DR1: variants seen among roughly 807,000 people sequenced by gnomAD.
DR1 encodes protein Dr1.
Under a neutral mutation model 19.9 loss-of-function variants are expected in DR1, and 7 were observed. That is an observed-to-expected ratio of 0.35 (90% CI 0.20 to 0.66). The LOEUF is 0.66. Ranked by LOEUF, DR1 falls within the 30% of genes least tolerant of loss-of-function variation. The pLI, the probability that DR1 is intolerant of heterozygous loss-of-function variation, is 0.66. For synonymous variants in DR1, 76 were observed against 72.5 expected, an observed-to-expected ratio of 1.05 and a Z score of -0.24; for missense variants, 98 against 203.7, an observed-to-expected ratio of 0.48 and a Z score of 3.16.
Position 93,363,848 on chromosome 1 carries a change from C to T in DR1, c.*3209C>T, listed in dbSNP as rs1252399217. 1 of 152,166 alleles carries T rather than the reference C, an allele frequency of 6.6e-6. No individual in the cohort carries two copies. Among genetic ancestry groups the T allele is most frequent in the African/African-American group, 2.4e-5 (1 of 41,438 alleles). The allele number at this position is 152,166 out of a possible 1,614,324, so 9.4% of individuals were successfully genotyped here. The stretch of plus-strand genomic sequence containing the variant: ...TTCATTCTCATTGCTGTATAGTCTT[C>T]CGTTTGTTTATCCATTTTTCATTAC... On this transcript the variant is annotated 3_prime_UTR_variant, in exon 3 of 3. Transcript: ENST00000370272.
At chr1:93,357,803 C>A (rs1224206803) in intron 2 of DR1, among the ~76,000 whole-genome samples, 2 of 152,106 alleles carry the variant, frequency 1.3e-5, no homozygotes, top group Non-Finnish European at 2.9e-5. Flanking sequence ...ACACCAGCAC[C>A]ACCCTACTCC....
intron 2 of DR1, among the ~76,000 whole-genome samples, chr1:93,356,812 C>G (rs1666992856): frequency 6.6e-6 from 1 of 151,614 alleles, no homozygotes; most frequent in Non-Finnish European, 1.5e-5. Context: ...ACCTCCGCCT[C>G]CCGGGTTCAA....
At position 93,346,507 on chromosome 1, in the gene DR1, C is replaced by G. The variant is rs887263338; in HGVS notation, c.-139C>G. 7.7e-6 allele frequency: 5 copies of G among 651,366 alleles called. No homozygotes were observed. Among genetic ancestry groups the G allele is most frequent in the Non-Finnish European group, 1.1e-5 (4 of 375,332 alleles). 40.3% of individuals were successfully genotyped at this position (651,366 alleles called of 1,614,324 possible). A position where few individuals can be genotyped will look rare whatever the true frequency, so the allele number is the denominator to read the frequency against. On this transcript the variant is annotated 5_prime_UTR_variant, in exon 1 of 3. Transcript: ENST00000370272. ...CCAGCCCTCAAGCCAGCTGCTCCTC[C>G]GTTCATTTTCTGCACCCTCTTCGCA...
chr1:93,346,969 T>G, intron 1 of DR1, 104 bp downstream of exon 1: 1 of 1,062,558 alleles, frequency 9.4e-7, no homozygotes, highest in East Asian at 2.6e-5. Context: ...CCCTGGTAAG[T>G]AACTTAATGA....
In DR1 at chr1:93,361,999, TGTCA is replaced by T. The variant is rs1378391344; in HGVS notation, c.*1363_*1366del. The T allele has an allele frequency of 1.3e-5, 2 of 152,638 alleles. No homozygotes were observed. Among genetic ancestry groups the T allele is most frequent in the East Asian group, 3.9e-4 (2 of 5,192 alleles). 9.5% of individuals were successfully genotyped at this position (152,638 alleles called of 1,614,324 possible). The stretch of plus-strand genomic sequence containing the variant: ...ATAGTATTAAGTAATTAAATTCCTA[TGTCA>T]GTTGCCAAATCTTTTAAACTTATGT... On this transcript the variant is annotated 3_prime_UTR_variant, in exon 3 of 3. Coordinates refer to ENST00000370272, the MANE Select transcript of DR1 (RefSeq NM_001938.3).
intron 2 of DR1, chr1:93,355,090 T>A (rs932384248): frequency 6.6e-6 from 1 of 152,122 alleles, no homozygotes; most frequent in Non-Finnish European, 1.5e-5. Context: ...TTTAAAAACA[T>A]TAATGGCTAT....
At chr1:93,357,096 A>G (rs1041466426) in intron 2 of DR1, among the ~76,000 whole-genome samples, 6 of 152,156 alleles carry the variant, frequency 3.9e-5, no homozygotes, top group Non-Finnish European at 8.8e-5. Flanking sequence ...TAAATATGCT[A>G]TTGTGTTAGA....
intron 1 of DR1, among the ~76,000 whole-genome samples, chr1:93,351,956 C>T (rs1179502133): frequency 6.6e-6 from 1 of 152,172 alleles, no homozygotes; most frequent in African/African-American, 2.4e-5. Flanking sequence ...ATGAGAAATA[C>T]ATAGTCTGAG....
chr1:93,354,640 A>G (rs1039645571), intron 2 of DR1, among the ~76,000 whole-genome samples: 1 of 152,168 alleles, frequency 6.6e-6, no homozygotes, highest in African/African-American at 2.4e-5. Context: ...ATTGGTGGCA[A>G]TGCTGTGTTT....
rs555928443 is a variant in DR1 at position 93,367,010 on chromosome 1, T to A, written c.*6371T>A. Reference sequence around the variant, plus strand: ...GAGCAAAATCCTATCTCAAAAAAAATATATATATTATCCAGCCCCAAATGT... The same window carrying A: ...GAGCAAAATCCTATCTCAAAAAAAAAATATATATTATCCAGCCCCAAATGT... On this transcript the variant is annotated 3_prime_UTR_variant, in exon 3 of 3. Coordinates refer to ENST00000370272, the MANE Select transcript of DR1 (RefSeq NM_001938.3). The A allele has an allele frequency of 2.6e-5, 4 of 151,634 alleles. No individual in the cohort carries two copies. Among genetic ancestry groups the A allele is most frequent in the South Asian group, 4.2e-4 (2 of 4,786 alleles). 9.4% of individuals were successfully genotyped at this position (151,634 alleles called of 1,614,324 possible).
At chr1:93,353,516 A>C (rs185337843) in intron 1 of DR1, among the ~76,000 whole-genome samples, 62 of 152,336 alleles carry the variant, frequency 4.1e-4, no homozygotes, top group African/African-American at 1.4e-3. Flanking sequence ...AACTTAGTAG[A>C]GAATGTGTTA....
At chr1:93,349,194 G>C (rs1666888615) in intron 1 of DR1, among the ~76,000 whole-genome samples, 1 of 152,012 alleles carries the variant, frequency 6.6e-6, no homozygotes, top group Non-Finnish European at 1.5e-5. Context: ...TTCTGAGATA[G>C]TTCTGTAAAA....
intron 2 of DR1, among the ~76,000 whole-genome samples, chr1:93,358,548 T>TG (rs1667020144): frequency 6.6e-6 from 1 of 151,948 alleles, no homozygotes; most frequent in Admixed American, 6.6e-5. Context: ...TCCCAACCCT[T>TG]GGGGCCCTCC....
Position 93,346,561 on chromosome 1 carries a change from G to A in DR1, c.-85G>A, listed in dbSNP as rs563731155. 15 of 1,197,614 alleles carry A rather than the reference G, an allele frequency of 1.3e-5. No individual in the cohort carries two copies. In the South Asian group the frequency reaches 1.6e-4, roughly 13 times the overall value. The allele number at this position is 1,197,614 out of a possible 1,614,324, so 74.2% of individuals were successfully genotyped here. A position where few individuals can be genotyped will look rare whatever the true frequency, so the allele number is the denominator to read the frequency against. On this transcript the variant is annotated 5_prime_UTR_variant, in exon 1 of 3. Coordinates refer to ENST00000370272, the MANE Select transcript of DR1 (RefSeq NM_001938.3). ...CACCCCCCGGGATCACTCTCCGAGG[G>A]CGACTTTTTGAGAAATCTCGGTGGA...
intron 1 of DR1, among the ~76,000 whole-genome samples, chr1:93,347,162 A>G (rs1666858468): frequency 6.6e-6 from 1 of 152,256 alleles, no homozygotes; most frequent in Non-Finnish European, 1.5e-5. Context: ...AACAAGAATT[A>G]CTTGCCTGAA....
chr1:93,348,046 T>C (rs181192436), intron 1 of DR1, among the ~76,000 whole-genome samples: 9 of 152,262 alleles, frequency 5.9e-5, no homozygotes, highest in Non-Finnish European at 8.8e-5. Context: ...ATATTGACCA[T>C]ATCCAATATT....
chr1:93,346,667 G>T lies in DR1; in HGVS notation c.22G>T (p.Asp8Tyr). 1 of 1,613,954 alleles carries T rather than the reference G, an allele frequency of 6.2e-7. No homozygotes were observed. Among genetic ancestry groups the T allele is most frequent in the Non-Finnish European group, 8.5e-7 (1 of 1,179,992 alleles). The change falls in exon 1 of 3, where the codon GAT (aspartate) becomes TAT (tyrosine). Residue 8 changes from aspartate (D) to tyrosine (Y), a missense_variant. Coordinates refer to ENST00000370272, the MANE Select transcript of DR1 (RefSeq NM_001938.3). ...TACTATGGCTTCCTCGTCTGGCAACGATGATGATCTCACTATCCCCAGAGC... is the reference window on the plus strand; with the variant it reads ...TACTATGGCTTCCTCGTCTGGCAACTATGATGATCTCACTATCCCCAGAGC... Reference protein sequence around the residue: MASSSGNDDDLTIPRAAI... With the variant: MASSSGNYDDLTIPRAAI...
At chr1:93,348,742 A>C (rs1290643293) in intron 1 of DR1, among the ~76,000 whole-genome samples, 1 of 152,094 alleles carries the variant, frequency 6.6e-6, no homozygotes, top group Non-Finnish European at 1.5e-5. Context: ...TGTTACCTTA[A>C]ATTTAAAAAT....
rs1218729159 is a variant in DR1 at position 93,353,916 on chromosome 1, A to G, written c.229A>G (p.Ser77Gly). The part of the protein sequence containing the change: ...SPEHVIQALE[S>G]LGFGSYISEV... ...TATTTTCATTTCTCTAGCACTAGAA[A>G]GTTTGGGATTTGGCTCTTACATCAG... is the stretch of plus-strand genomic sequence containing the variant. Residue 77 changes from serine to glycine, a missense_variant, in exon 2 of 3, where the codon AGT becomes GGT. Physicochemically the swap from Ser to Gly is moderately conservative, Grantham distance 56 (BLOSUM62 0). Transcript: ENST00000370272. 6.2e-7 allele frequency: 1 copy of G among 1,602,790 alleles called. No individual in the cohort carries two copies. The highest frequency in any genetic ancestry group is 1.1e-5 in the South Asian group (1 of 88,260).
Sources: allele counts gnomAD v4.1 joint callset (sites outside exome capture counted in the v4.1 genomes callset), GRCh38; gene constraint gnomAD v4.1.1; transcripts MANE v1.5; gene names NCBI Gene and HGNC (gene_info 2026-07-23, HGNC 2026-07-21).